Variants in LRRC28 observed in about 807,000 individuals in gnomAD.
LRRC28 encodes leucine-rich repeat-containing protein 28.
Under a neutral mutation model 45.7 loss-of-function variants are expected in LRRC28, and 39 were observed. The observed-to-expected ratio is 0.85, with a 90% CI of 0.66 to 1.12. The LOEUF is 1.12. LRRC28 is among the 50% of genes most tolerant of loss of function. LRRC28 has a pLI of 0.00. For missense variants in LRRC28, 435 were observed against 438.5 expected, an observed-to-expected ratio of 0.99 and a Z score of 0.07; for synonymous variants, 206 against 178.8, an observed-to-expected ratio of 1.15 and a Z score of -1.22.
At chr15:99,278,606 C>T (rs1007402776) in intron 3 of LRRC28, among the ~76,000 whole-genome samples, 2 of 152,262 alleles carry the variant, frequency 1.3e-5, no homozygotes, top group African/African-American at 4.8e-5. Flanking sequence ...AAGAAAGATG[C>T]TGGCTTTACA....
chr15:99,367,368 C>T (rs960963009), intron 9 of LRRC28, among the ~76,000 whole-genome samples: 13 of 152,142 alleles, frequency 8.5e-5, no homozygotes, highest in Admixed American at 7.9e-4. Context: ...AGTCCAAGAT[C>T]GAGTGGCCAC....
In LRRC28 at chr15:99,381,948, G is replaced by A. The variant is rs532040983; in HGVS notation, c.1032-4082G>A. Among the ~76,000 whole-genome samples, 54 of 152,340 alleles carry A rather than the reference G, an allele frequency of 3.5e-4. 1 individual carries two copies. The South Asian group carries it at 0.011, about 30-fold the overall frequency. ...AGGTGTCAGTCTGCCCCTACTGGAGGGTGCCTCCCAGTTAGGCTACTCAGG... is the reference window on the plus strand; with the variant it reads ...AGGTGTCAGTCTGCCCCTACTGGAGAGTGCCTCCCAGTTAGGCTACTCAGG... On this transcript the variant is annotated intron_variant, in intron 9 of 9. Transcript: ENST00000301981.
At chr15:99,356,490 A>T (rs1323006697) in intron 7 of LRRC28, among the ~76,000 whole-genome samples, 2 of 152,230 alleles carry the variant, frequency 1.3e-5, no homozygotes, top group Non-Finnish European at 2.9e-5. Flanking sequence ...AAATGATCCA[A>T]TCTGAAGGAC....
intron 2 of LRRC28, chr15:99,259,882 G>A (rs1421359666): frequency 2.5e-5 from 19 of 761,998 alleles, no homozygotes; most frequent in Non-Finnish European, 4.1e-5. Context: ...CTGATGCAAA[G>A]GTGGAAGAAC....
At chr15:99,283,260 T>A (rs1298989746) in intron 3 of LRRC28, among the ~76,000 whole-genome samples, 2 of 152,124 alleles carry the variant, frequency 1.3e-5, no homozygotes, top group East Asian at 3.9e-4. Context: ...GTTATAAACA[T>A]AGTATGGGTC....
chr15:99,303,272 A>G (rs946642092), intron 5 of LRRC28, among the ~76,000 whole-genome samples: 1 of 152,142 alleles, frequency 6.6e-6, no homozygotes, highest in Non-Finnish European at 1.5e-5. Flanking sequence ...TCTATTTGCC[A>G]TCTCTTTGGC....
At chr15:99,271,028 A>ATC (rs2081463873) in intron 2 of LRRC28, among the ~76,000 whole-genome samples, 1 of 152,216 alleles carries the variant, frequency 6.6e-6, no homozygotes, top group Non-Finnish European at 1.5e-5. Context: ...GATGTTGAGC[A>ATC]TCTCTACATG....
chr15:99,350,028 C>T (rs553340716), intron 6 of LRRC28, among the ~76,000 whole-genome samples: 1 of 149,588 alleles, frequency 6.7e-6, no homozygotes, highest in African/African-American at 2.5e-5. Context: ...CCCAGCTACT[C>T]GGGAGGCTGA....
intron 5 of LRRC28, among the ~76,000 whole-genome samples, chr15:99,324,062 A>G (rs940327239): frequency 6.6e-6 from 1 of 152,172 alleles, no homozygotes; most frequent in Non-Finnish European, 1.5e-5. Context: ...GTAGTCCCCT[A>G]TTATCTGTGG....
At chr15:99,310,063 A>G (rs1955347276) in intron 5 of LRRC28, among the ~76,000 whole-genome samples, 2 of 152,134 alleles carry the variant, frequency 1.3e-5, no homozygotes, top group Admixed American at 6.5e-5. Flanking sequence ...GTCAAAAGTG[A>G]ACTGTTAAGC....
chr15:99,262,272 A>T (rs184619282), intron 2 of LRRC28, among the ~76,000 whole-genome samples: 1 of 152,218 alleles, frequency 6.6e-6, no homozygotes, highest in East Asian at 1.9e-4. Flanking sequence ...TAAAGGGTAG[A>T]CATGTTTCAT....
intron 2 of LRRC28, among the ~76,000 whole-genome samples, chr15:99,267,659 A>C (rs1283969198): frequency 1.3e-5 from 2 of 152,228 alleles, no homozygotes; most frequent in Non-Finnish European, 2.9e-5. Flanking sequence ...TAGTGTTTGT[A>C]AGTAAATGTG....
In LRRC28 at chr15:99,386,224, A is replaced by C; in HGVS notation, c.*122A>C. On this transcript the variant is annotated 3_prime_UTR_variant, in exon 10 of 10. Coordinates refer to ENST00000301981, the MANE Select transcript of LRRC28 (RefSeq NM_144598.5). ...CACTGCAGAACTCTCTAGAAATGTC[A>C]TGATTGAGCTTCAGAGCTAAAATGC... 3.9e-6 allele frequency: 3 copies of C among 764,168 alleles called. No homozygotes were observed. The highest frequency in any genetic ancestry group is 1.8e-5 in the South Asian group (1 of 55,884). 47.3% of individuals were successfully genotyped at this position (764,168 alleles called of 1,614,324 possible).
rs144646493 is a variant in LRRC28, at chr15:99,316,638, AG to A, written c.386-17284del. Among the ~76,000 whole-genome samples the A allele has an allele frequency of 6.5e-3, 991 of 152,114 alleles. 11 individuals carry two copies. The highest frequency in any genetic ancestry group is 0.023 in the African/African-American group (965 of 41,478). ...GCCTGTTTTTGCTTATAGGGAAGAA[AG>A]TAGAGAATTAATGGATGATAGGAGA... On this transcript the variant is annotated intron_variant, in intron 5 of 9. Coordinates refer to ENST00000301981, the MANE Select transcript of LRRC28 (RefSeq NM_144598.5).
intron 6 of LRRC28, among the ~76,000 whole-genome samples, chr15:99,336,998 A>G (rs1206819491): frequency 1.3e-5 from 2 of 152,226 alleles, no homozygotes; most frequent in African/African-American, 2.4e-5. Flanking sequence ...TCTTACCAGA[A>G]TGCCATCTGG....
At chr15:99,338,933 A>T (rs547792304) in intron 6 of LRRC28, among the ~76,000 whole-genome samples, 2 of 152,334 alleles carry the variant, frequency 1.3e-5, no homozygotes, top group African/African-American at 4.8e-5. Context: ...ATGCCATCAC[A>T]ACTGAGTGAC....
intron 2 of LRRC28, among the ~76,000 whole-genome samples, chr15:99,266,256 A>C (rs529538477): frequency 6.6e-6 from 1 of 152,352 alleles, no homozygotes; most frequent in South Asian, 2.1e-4. Flanking sequence ...TTCAAATATG[A>C]ACAGGCAAAT....
At chr15:99,285,726 A>G in intron 3 of LRRC28, 1 of 566,342 alleles carries the variant, frequency 1.8e-6, no homozygotes, top group Non-Finnish European at 3.2e-6. Context: ...TGGGTACTTT[A>G]GTTCATATTT....
In LRRC28 at chr15:99,257,743, G is replaced by C. The variant is rs183220485; in HGVS notation, c.168+1618G>C. 4.7e-4 allele frequency: 366 copies of C among 775,052 alleles called. 1 individual carries two copies. In the African/African-American group the frequency reaches 5.7e-3, roughly 12 times the overall value. 48.0% of individuals were successfully genotyped at this position (775,052 alleles called of 1,614,324 possible). ...ACAGTAGAAGAGGATCTGGGTAAAA[G>C]TAGACAAGGCTCAAGGATGGATGAT... On this transcript the variant is annotated intron_variant, in intron 2 of 9. Transcript: ENST00000301981.
Sources: gnomAD v4.1 joint callset for allele counts (sites outside exome capture counted in the v4.1 genomes callset) on GRCh38, gnomAD v4.1.1 for gene constraint, MANE v1.5 for transcripts, NCBI Gene and HGNC (gene_info 2026-07-23, HGNC 2026-07-21) for gene names.